The following DLGAP4 variants were observed in gnomAD, a reference collection of about 807,000 sequenced individuals.
DLGAP4 encodes the protein DLG associated protein 4, also known as disks large-associated protein 4.
DLGAP4 carries 18 observed loss-of-function variants against 86.9 expected under a neutral mutation model. The ratio of observed to expected loss-of-function variants is 0.21; its 90% CI spans 0.14 to 0.31. The LOEUF (loss-of-function observed/expected upper bound fraction) is 0.31. Among genes scored for constraint, DLGAP4 ranks in the 10% least tolerant of loss-of-function variants. DLGAP4 has a pLI of 1.00. For missense variants in DLGAP4, 1,085 were observed against 1,362.6 expected (o/e 0.80, Z 3.21); for synonymous variants, 548 against 574.3 (o/e 0.95, Z 0.65).
intron 7 of DLGAP4, among the ~76,000 whole-genome samples, chr20:36,491,589 C>T (rs1345442128): frequency 2.7e-5 from 4 of 150,922 alleles, no homozygotes; most frequent in African/African-American, 7.3e-5. Flanking sequence ...GGAGGTGTGC[C>T]GTGTTTGGGA....
chr20:36,485,379 A>T (rs2147722719), intron 7 of DLGAP4, among the ~76,000 whole-genome samples: 1 of 151,766 alleles, frequency 6.6e-6, no homozygotes, highest in South Asian at 2.1e-4. Context: ...ACTGCTAGCT[A>T]ATTTGAAATG....
At chr20:36,332,032 A>G (rs1276676070) in intron 1 of DLGAP4, among the ~76,000 whole-genome samples, 5 of 152,186 alleles carry the variant, frequency 3.3e-5, no homozygotes, top group African/African-American at 9.6e-5. Context: ...GCGTCTAGCC[A>G]TAGGAAGGAC....
At chr20:36,318,106 TCACACACA>T (rs1156543199) in intron 1 of DLGAP4, among the ~76,000 whole-genome samples, 24,834 of 138,948 alleles carry the variant, frequency 0.18, 2,295 homozygotes, top group South Asian at 0.3. Flanking sequence ...ATGTGTCCTC[TCACACACA>T]CACACACACA....
At chr20:36,522,559 C>T (rs1263468376) in intron 10 of DLGAP4, among the ~76,000 whole-genome samples, 1 of 152,166 alleles carries the variant, frequency 6.6e-6, no homozygotes, top group Admixed American at 6.5e-5. Flanking sequence ...CTTACTCTGC[C>T]ACCCACGCTG....
chr20:36,452,004 C>T (rs1292965100), intron 7 of DLGAP4, among the ~76,000 whole-genome samples: 4 of 152,230 alleles, frequency 2.6e-5, no homozygotes, highest in Non-Finnish European at 5.9e-5. Flanking sequence ...AGGTGATCTG[C>T]CTGCCTTGGC....
At chr20:36,427,112 G>A (rs2032995161) in intron 2 of DLGAP4, among the ~76,000 whole-genome samples, 1 of 152,086 alleles carries the variant, frequency 6.6e-6, no homozygotes. Context: ...GAGCCCAGGA[G>A]ATCAAAGCTG....
chr20:36,428,559 G>A (rs1019298470), intron 2 of DLGAP4, among the ~76,000 whole-genome samples: 10 of 152,198 alleles, frequency 6.6e-5, no homozygotes, highest in East Asian at 1.9e-4. Flanking sequence ...ACCTGGTACC[G>A]TCCCATCCTC....
chr20:36,377,595 C>G (rs2147436716), intron 2 of DLGAP4, among the ~76,000 whole-genome samples: 1 of 152,324 alleles, frequency 6.6e-6, no homozygotes, highest in South Asian at 2.1e-4. Flanking sequence ...CATCAGGGTG[C>G]TCCTGCCTGC....
At chr20:36,499,811 G>A (rs2057209039) in intron 9 of DLGAP4, 135 bp downstream of exon 9, 2 of 831,286 alleles carry the variant, frequency 2.4e-6, no homozygotes, top group African/African-American at 1.7e-5. Flanking sequence ...TGCGGGTGGT[G>A]GCCCAGGCAT....
rs114516856 is a variant in DLGAP4, at chr20:36,393,467, G to A, written c.-73+26192G>A. 7.1e-3 allele frequency among the ~76,000 whole-genome samples: 1,088 copies of A among 152,250 alleles called. 17 individuals carry two copies. The highest frequency in any genetic ancestry group is 0.025 in the African/African-American group (1,050 of 41,534). On this transcript the variant is annotated intron_variant, in intron 2 of 12. Transcript: ENST00000339266. The surrounding 1 kb of genome is among the most constrained non-coding windows in gnomAD (Gnocchi z 4.4). ...TGCTGGGCTCCTGGGAGACGCTCTG[G>A]GGTCTGGAAACCCAGCCCTCTTGGT...
intron 7 of DLGAP4, among the ~76,000 whole-genome samples, chr20:36,479,091 G>A (rs1035057765): frequency 6.6e-6 from 1 of 152,202 alleles, no homozygotes; most frequent in Non-Finnish European, 1.5e-5. Context: ...ATTGGTAGAT[G>A]TTCTTTCAAA....
chr20:36,334,440 G>A (rs1828661828), intron 1 of DLGAP4, among the ~76,000 whole-genome samples: 1 of 152,144 alleles, frequency 6.6e-6, no homozygotes, highest in South Asian at 2.1e-4. Context: ...AACCATTGAG[G>A]TCTGAGGGGC....
At chr20:36,369,472 A>G (rs1038353184) in intron 2 of DLGAP4, among the ~76,000 whole-genome samples, 4 of 152,164 alleles carry the variant, frequency 2.6e-5, no homozygotes, top group Non-Finnish European at 5.9e-5. Flanking sequence ...AGGCGCTTGT[A>G]ATCTCAGCTA....
intron 7 of DLGAP4, among the ~76,000 whole-genome samples, chr20:36,467,717 C>T (rs563136449): frequency 3.3e-5 from 5 of 152,194 alleles, no homozygotes; most frequent in Non-Finnish European, 7.3e-5. Context: ...AAAGCTTGGC[C>T]AGCGCTCTGA....
In DLGAP4 at chr20:36,431,859, G is replaced by C. The variant is rs372068452; in HGVS notation, c.142G>C (p.Gly48Arg). Reference sequence around the variant, plus strand: ...CTTCGCCCGCGAGGCCCGCTTCCCCGGGCAGAACACCCTGCCAGGAGATGG... The same window carrying C: ...CTTCGCCCGCGAGGCCCGCTTCCCCCGGCAGAACACCCTGCCAGGAGATGG... ...EAFAREARFP[G>R]QNTLPGDGLF... Residue 48 changes from glycine to arginine, a missense_variant, in exon 3 of 13, where the codon GGG (glycine) becomes CGG (arginine). Around this residue, in one of 2 missense-constraint regions of DLGAP4, gnomAD observed 1,082 missense variants for 1,344.1 expected, o/e 0.81. Coordinates refer to ENST00000339266, the MANE Select transcript of DLGAP4 (RefSeq NM_001365621.2). The surrounding 1 kb of genome is among the most constrained non-coding windows in gnomAD (Gnocchi z 5.1). 1 of 1,613,814 alleles carries C rather than the reference G, an allele frequency of 6.2e-7. No individual in the cohort carries two copies. Among genetic ancestry groups the C allele is most frequent in the African/African-American group, 1.3e-5 (1 of 74,892 alleles).
chr20:36,426,464 G>A lies in DLGAP4; in HGVS notation c.-72-5182G>A, dbSNP rs1320662859. ...CAGGAGGCAGAGGTTGCAGTGAGCC[G>A]AGATCGCACCACCGCACTCCAGCCT... On this transcript the variant is annotated intron_variant, in intron 2 of 12. Coordinates refer to ENST00000339266, the MANE Select transcript of DLGAP4 (RefSeq NM_001365621.2). 2.0e-5 allele frequency among the ~76,000 whole-genome samples: 3 copies of A among 151,796 alleles called. No individual in the cohort carries two copies. In the East Asian group the frequency reaches 5.8e-4, roughly 29 times the overall value.
intron 2 of DLGAP4, among the ~76,000 whole-genome samples, chr20:36,405,819 G>A (rs1271635881): frequency 6.6e-6 from 1 of 152,142 alleles, no homozygotes; most frequent in Non-Finnish European, 1.5e-5. Context: ...AGGCCCACAT[G>A]GACTCCAGGC....
At chr20:36,391,616 C>T (rs888942694) in intron 2 of DLGAP4, among the ~76,000 whole-genome samples, 2 of 152,184 alleles carry the variant, frequency 1.3e-5, no homozygotes, top group African/African-American at 2.4e-5. Context: ...TGGAGGCTGA[C>T]GACAGCTCTG....
At chr20:36,481,892 G>A (rs984105839) in intron 7 of DLGAP4, among the ~76,000 whole-genome samples, 20 of 152,252 alleles carry the variant, frequency 1.3e-4, no homozygotes, top group Admixed American at 6.5e-4. Flanking sequence ...GTCAGCTGAC[G>A]TCACTAAGCC....
Sources: gnomAD v4.1 joint callset for allele counts (sites outside exome capture counted in the v4.1 genomes callset) on GRCh38, gnomAD v4.1.1 for gene constraint, gnomAD v4.1.1 regional missense constraint, Gnocchi (gnomAD v3.1) non-coding constraint, MANE v1.5 for transcripts, NCBI Gene and HGNC (gene_info 2026-07-23, HGNC 2026-07-21) for gene names.